The following CNTNAP3B variants were observed in gnomAD, a reference collection of about 807,000 sequenced individuals.
CNTNAP3B encodes the protein contactin-associated protein-like 3B.
Under a neutral mutation model 108.9 loss-of-function variants are expected in CNTNAP3B, and 25 were observed. The observed-to-expected ratio is 0.23, with a 90% CI of 0.17 to 0.32. The LOEUF (loss-of-function observed/expected upper bound fraction) is 0.32. Among genes scored for constraint, CNTNAP3B ranks in the 10% least tolerant of loss-of-function variants. CNTNAP3B has a pLI of 1.00. For synonymous variants in CNTNAP3B, 103 were observed against 473.4 expected, an observed-to-expected ratio of 0.22 and a Z score of 10.16; for missense variants, 252 against 1,210.4, an observed-to-expected ratio of 0.21 and a Z score of 11.75.
chr9:42,043,067 T>G (rs577378057), intron 3 of CNTNAP3B, among the ~76,000 whole-genome samples: 1 of 148,432 alleles, frequency 6.7e-6, no homozygotes, highest in African/African-American at 2.6e-5. Flanking sequence ...TGCTCAGAGA[T>G]GGTCAGTATT....
chr9:42,116,213 G>T (rs1419626436), intron 1 of CNTNAP3B, among the ~76,000 whole-genome samples: 1 of 136,946 alleles, frequency 7.3e-6, no homozygotes, highest in Non-Finnish European at 1.6e-5. Flanking sequence ...AGAAATATGT[G>T]ACTGTGAAAA....
chr9:41,934,114 T>TATACACACAC (rs1554739005), intron 14 of CNTNAP3B, among the ~76,000 whole-genome samples: 6 of 129,480 alleles, frequency 4.6e-5, no homozygotes, highest in Non-Finnish European at 1.0e-4. Context: ...TATATATATA[T>TATACACACAC]ATATATATAC....
intron 14 of CNTNAP3B, among the ~76,000 whole-genome samples, chr9:41,933,960 T>G (rs1824059043): frequency 6.7e-6 from 1 of 148,218 alleles, no homozygotes; most frequent in Non-Finnish European, 1.5e-5. Flanking sequence ...TTTTCCTTGC[T>G]AAACGATATA....
In CNTNAP3B at chr9:41,926,371, T is replaced by C. The variant is rs1298131763; in HGVS notation, c.2366-2278A>G. ...AGTGTTATGTTAAAGAAAACAGAGA[T>C]GAAGATAAGGAAAGGAAAAGAGAAA... On this transcript the variant is annotated intron_variant, in intron 15 of 23. Coordinates refer to ENST00000377561, the MANE Select transcript of CNTNAP3B (RefSeq NM_001201380.3). 3.0e-3 allele frequency among the ~76,000 whole-genome samples: 455 copies of C among 152,262 alleles called. 1 individual carries two copies. The highest frequency in any genetic ancestry group is 9.3e-3 in the African/African-American group (385 of 41,464).
intron 13 of CNTNAP3B, among the ~76,000 whole-genome samples, chr9:41,944,000 C>A (rs1375919865): frequency 2.0e-5 from 3 of 152,094 alleles, no homozygotes; most frequent in South Asian, 2.1e-4. Context: ...GCCAGATTTC[C>A]CTTAAGAAAC....
At chr9:41,915,584 G>A (rs879666953) in intron 18 of CNTNAP3B, among the ~76,000 whole-genome samples, 1,557 of 137,676 alleles carry the variant, frequency 0.011, 23 homozygotes, top group Middle Eastern at 0.032. Flanking sequence ...TTTCACCATT[G>A]AGTATGATGT....
chr9:42,024,789 G>C (rs1363175584), intron 3 of CNTNAP3B, among the ~76,000 whole-genome samples: 2 of 145,316 alleles, frequency 1.4e-5, no homozygotes. Flanking sequence ...TTGCACACTA[G>C]TTTGCACCGT....
At chr9:41,943,389 G>C (rs1157721998) in intron 13 of CNTNAP3B, among the ~76,000 whole-genome samples, 22 of 125,768 alleles carry the variant, frequency 1.7e-4, no homozygotes, top group African/African-American at 6.7e-4. Flanking sequence ...GTCTCTCTCT[G>C]TCGCTCAGGC....
intron 18 of CNTNAP3B, among the ~76,000 whole-genome samples, chr9:41,918,126 C>T (rs1273332195): frequency 1.9e-4 from 26 of 138,390 alleles, no homozygotes; most frequent in African/African-American, 6.8e-4. Flanking sequence ...CCTGGAAATG[C>T]CAGAGTACCA....
At chr9:42,026,596 A>G (rs867615184) in intron 3 of CNTNAP3B, among the ~76,000 whole-genome samples, 965 of 49,676 alleles carry the variant, frequency 0.019, 71 homozygotes, top group African/African-American at 0.057. Flanking sequence ...CGTCTCAGGG[A>G]AAAAAAAAAA....
chr9:41,939,615 A>T (rs1242098094), intron 13 of CNTNAP3B, among the ~76,000 whole-genome samples: 3 of 152,416 alleles, frequency 2.0e-5, no homozygotes, highest in East Asian at 1.9e-4. Context: ...AGATATTTTT[A>T]AAAATTAATA....
Position 42,002,478 on chromosome 9 carries a change from C to T in CNTNAP3B, c.539-3874G>A. On this transcript the variant is annotated intron_variant, in intron 4 of 23. Transcript: ENST00000377561. ...GAAAAACTAAGGACAGATATGTTCA[C>T]AAAGTTCCCAAATACGAATTCTTGC... Among the ~76,000 whole-genome samples, 2 of 105,034 alleles carry T rather than the reference C, an allele frequency of 1.9e-5. 1 individual carries two copies. Among genetic ancestry groups the T allele is most frequent in the Non-Finnish European group, 4.0e-5 (2 of 49,716 alleles). The allele number at this position is 105,034 out of a possible 152,430, so 68.9% of individuals were successfully genotyped here.
intron 18 of CNTNAP3B, among the ~76,000 whole-genome samples, chr9:41,919,624 C>T: frequency 1.3e-5 from 2 of 152,308 alleles, no homozygotes; most frequent in African/African-American, 2.4e-5. Context: ...CACTTAAAGT[C>T]ACTGTCACAA....
chr9:42,098,599 C>G lies in CNTNAP3B; in HGVS notation c.196+6030G>C, dbSNP rs76793175. 3.7e-5 allele frequency among the ~76,000 whole-genome samples: 2 copies of G among 53,362 alleles called. 1 individual carries two copies. Among genetic ancestry groups the G allele is most frequent in the Non-Finnish European group, 8.2e-5 (2 of 24,518 alleles). The allele number at this position is 53,362 out of a possible 152,430, so 35.0% of individuals were successfully genotyped here. A position where few individuals can be genotyped will look rare whatever the true frequency, so the allele number is the denominator to read the frequency against. On this transcript the variant is annotated intron_variant, in intron 2 of 23. Transcript: ENST00000377561. ...CTCTGTCTCAAAAAAAAAAAAAAAA[C>G]CAACAGCAAAAAAAAACAGATAACT...
At chr9:42,001,851 A>G (rs1826011839) in intron 4 of CNTNAP3B, among the ~76,000 whole-genome samples, 2 of 134,252 alleles carry the variant, frequency 1.5e-5, no homozygotes, top group African/African-American at 3.0e-5. Context: ...TCACCATTAG[A>G]TCAGGAGCCA....
intron 14 of CNTNAP3B, among the ~76,000 whole-genome samples, chr9:41,935,076 C>G (rs1167447966): frequency 6.6e-6 from 1 of 152,256 alleles, no homozygotes; most frequent in Non-Finnish European, 1.5e-5. Flanking sequence ...TGAACATAGT[C>G]CACTATACAT....
At chr9:41,969,017 C>G (rs1478165099) in intron 10 of CNTNAP3B, among the ~76,000 whole-genome samples, 2 of 152,276 alleles carry the variant, frequency 1.3e-5, no homozygotes, top group African/African-American at 4.8e-5. Context: ...AGGATGGTCT[C>G]GATCTCCTGA....
At chr9:41,924,719 A>G (rs1466495456) in intron 15 of CNTNAP3B, among the ~76,000 whole-genome samples, 2 of 152,040 alleles carry the variant, frequency 1.3e-5, no homozygotes, top group East Asian at 1.9e-4. Context: ...GGCAAGAACA[A>G]TCAAGAACAA....
At position 42,120,906 on chromosome 9, in the gene CNTNAP3B, G is replaced by A. The variant is rs1271149275; in HGVS notation, c.85+8104C>T. On this transcript the variant is annotated intron_variant, in intron 1 of 23. Transcript: ENST00000377561. ...TTAATGGGTGCAGCACACCAACATG[G>A]CACATGTATACATATGCAACAAACC... Among the ~76,000 whole-genome samples, 2 of 137,044 alleles carry A rather than the reference G, an allele frequency of 1.5e-5. 1 individual carries two copies. The highest frequency in any genetic ancestry group is 3.1e-5 in the Non-Finnish European group (2 of 64,412). The allele number at this position is 137,044 out of a possible 152,430, so 89.9% of individuals were successfully genotyped here. A position where few individuals can be genotyped will look rare whatever the true frequency, so the allele number is the denominator to read the frequency against.
Sources: allele counts gnomAD v4.1 joint callset (sites outside exome capture counted in the v4.1 genomes callset), GRCh38; gene constraint gnomAD v4.1.1; transcripts MANE v1.5; gene names NCBI Gene and HGNC (gene_info 2026-07-23, HGNC 2026-07-21).